The following GOLGA4 variants were observed in gnomAD, a reference collection of about 807,000 sequenced individuals.
GOLGA4 encodes the protein golgin A4.
GOLGA4 carries 169 observed loss-of-function variants against 265.9 expected under a neutral mutation model. That is an observed-to-expected ratio of 0.64 (90% CI 0.56 to 0.72). The LOEUF (loss-of-function observed/expected upper bound fraction) is 0.72, where lower values mean the gene tolerates loss of function less well. Among genes scored for constraint, GOLGA4 ranks in the 30% least tolerant of loss-of-function variants. The probability of loss-of-function intolerance (pLI) is 0.00; values close to 1 mark genes in which losing one functional copy is unlikely to be tolerated. For synonymous variants in GOLGA4, 923 were observed against 855.8 expected (o/e 1.08, Z -1.37); for missense variants, 2,482 against 2,483.4 (o/e 1.00, Z 0.01).
chr3:37,274,017 T>A (rs2150730419), intron 2 of GOLGA4, among the ~76,000 whole-genome samples: 1 of 151,522 alleles, frequency 6.6e-6, no homozygotes, highest in Non-Finnish European at 1.5e-5. Context: ...TGAGAATCGC[T>A]TGAACCCAGG....
At chr3:37,350,618 C>T (rs1295463778) in intron 21 of GOLGA4, among the ~76,000 whole-genome samples, 2 of 152,068 alleles carry the variant, frequency 1.3e-5, no homozygotes, top group Non-Finnish European at 2.9e-5. Flanking sequence ...CTTCATATTT[C>T]TCTTTCCATT....
chr3:37,293,564 G>A lies in GOLGA4; in HGVS notation c.583-1415G>A, dbSNP rs529867524. Among the ~76,000 whole-genome samples, 18 of 152,262 alleles carry A rather than the reference G, an allele frequency of 1.2e-4. No individual in the cohort carries two copies. The South Asian group carries it at 3.7e-3, about 32-fold the overall frequency. ...GTGACTTTGAATATTTTGAGTTTAG[G>A]GAACTAGTGAAGTATAGGAATCCCA... On this transcript the variant is annotated intron_variant, in intron 5 of 23. Transcript: ENST00000361924.
In GOLGA4 at chr3:37,324,561, T is replaced by C. The variant is rs112112564; in HGVS notation, c.2675T>C (p.Leu892Pro). ...KSLTQVYESK[L>P]EDGNKEQEQT... ...TTAACCCAAGTCTATGAGTCCAAAC[T>C]TGAAGATGGTAACAAAGAACAGGAA... Residue 892 changes from leucine (L) to proline (P), a missense_variant, in exon 14 of 24, where the codon CTT becomes CCT. Around this residue, in one of 3 missense-constraint regions of GOLGA4, gnomAD observed 1,536 missense variants for 1,483.7 expected, o/e 1.04. Coordinates refer to ENST00000361924, the MANE Select transcript of GOLGA4 (RefSeq NM_002078.5). The C allele has an allele frequency of 6.2e-7, 1 of 1,613,760 alleles. No individual in the cohort carries two copies. The highest frequency in any genetic ancestry group is 1.7e-5 in the Admixed American group (1 of 59,986).
intron 2 of GOLGA4, among the ~76,000 whole-genome samples, chr3:37,260,118 A>G (rs920817085): frequency 1.3e-5 from 2 of 151,294 alleles, no homozygotes; most frequent in Admixed American, 1.3e-4. Context: ...GTCTTGGGCC[A>G]CACATCAAAT....
chr3:37,295,028 A>T lies in GOLGA4; in HGVS notation c.632A>T (p.Asp211Val). 6.2e-7 allele frequency: 1 copy of T among 1,610,792 alleles called. No individual in the cohort carries two copies. The stretch of plus-strand genomic sequence containing the variant: ...AAGAAACATCTGCAAGAGGAGTTTG[A>T]TGCATCTTTAGAGGAGAAAGATCAG... Reference protein sequence around the residue: ...QAKKHLQEEFDASLEEKDQYI... With the variant: ...QAKKHLQEEFVASLEEKDQYI... Residue 211 changes from aspartate (D) to valine (V), a missense_variant, in exon 6 of 24, where the codon GAT (aspartate) becomes GTT (valine). By Grantham distance (152) the Asp-to-Val change is radical. This residue lies in a region of GOLGA4 where 1,536 missense variants were observed against 1,483.7 expected (regional missense o/e 1.04). Transcript: ENST00000361924.
intron 16 of GOLGA4, among the ~76,000 whole-genome samples, chr3:37,333,734 C>T (rs1012807309): frequency 2.0e-5 from 3 of 151,556 alleles, no homozygotes; most frequent in East Asian, 1.9e-4. Flanking sequence ...ACGTGTGCCT[C>T]GGTGGGAAGA....
chr3:37,362,478 G>C (rs1696378258), intron 23 of GOLGA4, among the ~76,000 whole-genome samples: 1 of 151,302 alleles, frequency 6.6e-6, no homozygotes, highest in African/African-American at 2.4e-5. Flanking sequence ...CTGACCTCGT[G>C]ATCCGCCCGC....
intron 21 of GOLGA4, 111 bp downstream of exon 21, chr3:37,347,407 C>G: frequency 1.7e-6 from 1 of 601,076 alleles, no homozygotes. Context: ...ATCAGACATG[C>G]TAATAGTAGG....
intron 2 of GOLGA4, among the ~76,000 whole-genome samples, chr3:37,251,795 T>C (rs1322977801): frequency 1.3e-5 from 2 of 152,148 alleles, no homozygotes; most frequent in African/African-American, 4.8e-5. Context: ...AGTGATCCTC[T>C]AACTTCAGCC....
intron 23 of GOLGA4, among the ~76,000 whole-genome samples, chr3:37,364,609 G>A (rs1043469013): frequency 1.3e-5 from 1 of 74,074 alleles, no homozygotes; most frequent in Admixed American, 1.5e-4. Context: ...TTTTTTTTTT[G>A]CCCCCCAGCA....
rs372033669 is a variant in GOLGA4 at position 37,325,741 on chromosome 3, A to G, written c.3855A>G (p.Gln1285=). The change falls in exon 14 of 24, where the codon CAA becomes CAG. Residue 1285 remains glutamine, a synonymous_variant. Transcript: ENST00000361924. ...AACTTAGACAGTTGACAGAGGAGCA[A>G]AATACACTAAATATTTCTTTTCAAC... ...EAQLRQLTEE[Q]NTLNISFQQA... is the part of the protein sequence containing the mutation. The G allele has an allele frequency of 3.7e-6, 6 of 1,613,640 alleles. No individual in the cohort carries two copies. In the African/African-American group the frequency reaches 4.0e-5, roughly 11 times the overall value.
intron 5 of GOLGA4, among the ~76,000 whole-genome samples, chr3:37,292,585 C>G (rs2096867754): frequency 6.6e-6 from 1 of 152,060 alleles, no homozygotes; most frequent in Non-Finnish European, 1.5e-5. Context: ...ACTCGGTAGG[C>G]TGAGGCAGGA....
chr3:37,303,791 C>T (rs1302665604), intron 10 of GOLGA4, among the ~76,000 whole-genome samples: 1 of 152,168 alleles, frequency 6.6e-6, no homozygotes, highest in African/African-American at 2.4e-5. Flanking sequence ...GTTGCTGCTA[C>T]TACTACTGCT....
At position 37,257,959 on chromosome 3, in the gene GOLGA4, ATG is replaced by A. The variant is rs1168253431; in HGVS notation, c.162+6477_162+6478del. Among the ~76,000 whole-genome samples the A allele has an allele frequency of 1.5e-4, 16 of 107,684 alleles. 1 individual carries two copies. The highest frequency in any genetic ancestry group is 1.3e-3 in the Admixed American group (13 of 9,738). 70.6% of individuals were successfully genotyped at this position (107,684 alleles called of 152,430 possible). On this transcript the variant is annotated intron_variant, in intron 2 of 23. Transcript: ENST00000361924. ...TACATACATATATATGTATGTATAT[ATG>A]TATATATACATACATATATATATGT... is the stretch of plus-strand genomic sequence containing the variant.
At chr3:37,261,940 G>A (rs2096770822) in intron 2 of GOLGA4, among the ~76,000 whole-genome samples, 1 of 151,978 alleles carries the variant, frequency 6.6e-6, no homozygotes, top group Non-Finnish European at 1.5e-5. Context: ...GAGCACAGAA[G>A]GAAGGACAAA....
chr3:37,355,063 C>T (rs1335021212), intron 21 of GOLGA4, 38 bp from the exon 22 acceptor site: 1 of 1,149,760 alleles, frequency 8.7e-7, no homozygotes, highest in Admixed American at 1.7e-5. Context: ...TTATATGCTT[C>T]ACTGTCTGTT....
rs9683377 is a variant in GOLGA4 at position 37,257,904 on chromosome 3, T to C, written c.162+6420T>C. ...GTTTTCATATATATACATATATATA[T>C]ATATATATATGTATGTATATATGTA... is the stretch of plus-strand genomic sequence containing the variant. On this transcript the variant is annotated intron_variant, in intron 2 of 23. Coordinates refer to ENST00000361924, the MANE Select transcript of GOLGA4 (RefSeq NM_002078.5). Among the ~76,000 whole-genome samples, 70 of 129,640 alleles carry C rather than the reference T, an allele frequency of 5.4e-4. 3 individuals carry two copies. The highest frequency in any genetic ancestry group is 1.6e-3 in the South Asian group (7 of 4,460). The allele number at this position is 129,640 out of a possible 152,430, so 85.0% of individuals were successfully genotyped here.
At chr3:37,338,793 A>G (rs995115689) in intron 19 of GOLGA4, among the ~76,000 whole-genome samples, 1 of 151,004 alleles carries the variant, frequency 6.6e-6, no homozygotes, top group African/African-American at 2.4e-5. Context: ...TCCTGTCTCT[A>G]TGGATTTGCC....
Position 37,282,554 on chromosome 3 carries a change from C to T in GOLGA4, c.477+282C>T, listed in dbSNP as rs535947274. Among the ~76,000 whole-genome samples, 3 of 152,266 alleles carry T rather than the reference C, an allele frequency of 2.0e-5. No individual in the cohort carries two copies. In the East Asian group the frequency reaches 5.8e-4, roughly 29 times the overall value. ...TCTGTTCCCCTCTCCTTTCGTAGTC[C>T]CTCTGTTCAAGGTCACTTGGACACC... On this transcript the variant is annotated intron_variant, in intron 3 of 23. Coordinates refer to ENST00000361924, the MANE Select transcript of GOLGA4 (RefSeq NM_002078.5).
Sources: allele counts gnomAD v4.1 joint callset (sites outside exome capture counted in the v4.1 genomes callset), GRCh38; gene constraint gnomAD v4.1.1; regional missense constraint gnomAD v4.1.1; transcripts MANE v1.5; gene names NCBI Gene and HGNC (gene_info 2026-07-23, HGNC 2026-07-21).